The following RAP1GDS1 variants were observed in gnomAD, a reference collection of about 807,000 sequenced individuals.
The protein encoded by RAP1GDS1 is Rap1 GTPase-GDP dissociation stimulator 1.
RAP1GDS1 carries 35 observed loss-of-function variants against 71.1 expected under a neutral mutation model. The ratio of observed to expected loss-of-function variants is 0.49; its 90% CI spans 0.38 to 0.65. The LOEUF (loss-of-function observed/expected upper bound fraction) is 0.65. Ranked by LOEUF, RAP1GDS1 falls within the 30% of genes least tolerant of loss-of-function variation. RAP1GDS1 has a pLI of 0.00. For synonymous variants in RAP1GDS1, 229 were observed against 243.1 expected, an observed-to-expected ratio of 0.94 and a Z score of 0.54; for missense variants, 663 against 706.1, an observed-to-expected ratio of 0.94 and a Z score of 0.69.
At chr4:98,414,320 G>A (rs1747575270) in intron 7 of RAP1GDS1, among the ~76,000 whole-genome samples, 1 of 139,718 alleles carries the variant, frequency 7.2e-6, no homozygotes, top group Non-Finnish European at 1.5e-5. Context: ...TAATGCCTAG[G>A]TTTTCTTCTA....
rs374207930 is a variant in RAP1GDS1 at position 98,323,549 on chromosome 4, T to C, written c.113-19590T>C. On this transcript the variant is annotated intron_variant, in intron 2 of 14. Coordinates refer to ENST00000408927, the MANE Select transcript of RAP1GDS1 (RefSeq NM_001100427.2). ...TAAAATACTGGCAAACCGAATCCAG[T>C]AGCACATCAAAAAGCTTATCCACCA... Among the ~76,000 whole-genome samples, 4 of 142,980 alleles carry C rather than the reference T, an allele frequency of 2.8e-5. 1 individual carries two copies. Among genetic ancestry groups the C allele is most frequent in the African/African-American group, 8.1e-5 (3 of 37,238 alleles). 93.8% of individuals were successfully genotyped at this position (142,980 alleles called of 152,430 possible). A position where few individuals can be genotyped will look rare whatever the true frequency, so the allele number is the denominator to read the frequency against.
intron 2 of RAP1GDS1, among the ~76,000 whole-genome samples, chr4:98,298,890 G>T (rs1728169611): frequency 6.6e-6 from 1 of 152,164 alleles, no homozygotes; most frequent in Admixed American, 6.5e-5. Context: ...CATGATTCAT[G>T]GGAGAAGGTC....
chr4:98,414,509 A>G (rs1747607796), intron 7 of RAP1GDS1, among the ~76,000 whole-genome samples: 6 of 150,428 alleles, frequency 4.0e-5, no homozygotes, highest in Admixed American at 4.0e-4. Context: ...CAGGTTTGTC[A>G]AAGATCAGAT....
chr4:98,311,771 G>C (rs1730258269), intron 2 of RAP1GDS1, among the ~76,000 whole-genome samples: 1 of 152,176 alleles, frequency 6.6e-6, no homozygotes, highest in Admixed American at 6.6e-5. Flanking sequence ...TGAATAGCTA[G>C]GATTGCAGGC....
intron 3 of RAP1GDS1, among the ~76,000 whole-genome samples, chr4:98,346,553 T>G (rs1168084071): frequency 6.6e-6 from 1 of 151,948 alleles, no homozygotes; most frequent in Non-Finnish European, 1.5e-5. Flanking sequence ...TAAGAATGAT[T>G]ATTTATTTTT....
chr4:98,306,461 C>G (rs1729340175), intron 2 of RAP1GDS1, among the ~76,000 whole-genome samples: 1 of 152,162 alleles, frequency 6.6e-6, no homozygotes, highest in African/African-American at 2.4e-5. Flanking sequence ...AAAGTCCTCA[C>G]CTCATACTAC....
At chr4:98,282,775 C>G (rs1455193454) in intron 1 of RAP1GDS1, among the ~76,000 whole-genome samples, 1 of 152,124 alleles carries the variant, frequency 6.6e-6, no homozygotes, top group South Asian at 2.1e-4. Flanking sequence ...ACATTTCCCT[C>G]TACACACTGC....
chr4:98,264,507 A>C (rs1013838439), intron 1 of RAP1GDS1, among the ~76,000 whole-genome samples: 13 of 152,190 alleles, frequency 8.5e-5, no homozygotes, highest in African/African-American at 2.9e-4. Flanking sequence ...TATATGTCAT[A>C]TTTCAGATTC....
chr4:98,347,365 G>A (rs891203537), intron 3 of RAP1GDS1, among the ~76,000 whole-genome samples: 7 of 152,018 alleles, frequency 4.6e-5, no homozygotes, highest in African/African-American at 1.7e-4. Context: ...AAAAATAATC[G>A]ACAATTATTT....
chr4:98,266,197 T>A (rs1036934063), intron 1 of RAP1GDS1, among the ~76,000 whole-genome samples: 12 of 152,168 alleles, frequency 7.9e-5, no homozygotes, highest in African/African-American at 2.9e-4. Flanking sequence ...ATTTTTAATT[T>A]CACCATAGTG....
rs73832194 is a variant in RAP1GDS1, at chr4:98,272,864, C to G, written c.4+11295C>G. On this transcript the variant is annotated intron_variant, in intron 1 of 14. Coordinates refer to ENST00000408927, the MANE Select transcript of RAP1GDS1 (RefSeq NM_001100427.2). ...ATCGAGAAATGGTTCATTGTTGTTG[C>G]GTAGGATGAGAGAAGACAACGCTTT... is the stretch of plus-strand genomic sequence containing the variant. Among the ~76,000 whole-genome samples, 577 of 152,168 alleles carry G rather than the reference C, an allele frequency of 3.8e-3. 6 individuals are homozygous for G. The highest frequency in any genetic ancestry group is 0.013 in the African/African-American group (551 of 41,526).
intron 6 of RAP1GDS1, among the ~76,000 whole-genome samples, chr4:98,398,007 G>T (rs1437736597): frequency 6.6e-6 from 1 of 152,016 alleles, no homozygotes; most frequent in South Asian, 2.1e-4. Context: ...AAGACTACTC[G>T]TACTCATAGC....
chr4:98,393,778 A>G (rs973372157), intron 6 of RAP1GDS1, among the ~76,000 whole-genome samples: 2 of 152,214 alleles, frequency 1.3e-5, no homozygotes, highest in Non-Finnish European at 2.9e-5. Context: ...CAAACACTAT[A>G]TATGAAAAAT....
At chr4:98,425,518 G>A (rs1471267315) in intron 12 of RAP1GDS1, among the ~76,000 whole-genome samples, 1 of 152,126 alleles carries the variant, frequency 6.6e-6, no homozygotes, top group African/African-American at 2.4e-5. Context: ...CTCACTTAAG[G>A]TAGAGGGGTG....
At chr4:98,326,544 G>C (rs1167408261) in intron 2 of RAP1GDS1, among the ~76,000 whole-genome samples, 1 of 152,096 alleles carries the variant, frequency 6.6e-6, no homozygotes, top group Non-Finnish European at 1.5e-5. Context: ...ATTTGGATTT[G>C]CTTTCTTTTT....
chr4:98,402,370 C>A (rs1026223757), intron 6 of RAP1GDS1, among the ~76,000 whole-genome samples: 3 of 152,190 alleles, frequency 2.0e-5, no homozygotes, highest in Non-Finnish European at 4.4e-5. Context: ...CCATGCCCGG[C>A]CTCATCTCTA....
At chr4:98,426,519 A>G (rs1166325331) in intron 12 of RAP1GDS1, among the ~76,000 whole-genome samples, 2 of 152,140 alleles carry the variant, frequency 1.3e-5, no homozygotes, top group East Asian at 3.8e-4. Context: ...TCACTTAGAA[A>G]AGAAATGGGA....
rs535064983 is a variant in RAP1GDS1 at position 98,442,912 on chromosome 4, T to G, written c.*795T>G. On this transcript the variant is annotated 3_prime_UTR_variant, in exon 15 of 15. Transcript: ENST00000408927. The stretch of plus-strand genomic sequence containing the variant: ...ATACGCTGTTTCACTCAGGAACTAC[T>G]TCTACCAGTTAATCAGCATTATCCA... 4.3e-6 allele frequency: 1 copy of G among 231,826 alleles called. No individual in the cohort carries two copies. The highest frequency in any genetic ancestry group is 2.2e-5 in the African/African-American group (1 of 45,228). 14.4% of individuals were successfully genotyped at this position (231,826 alleles called of 1,614,324 possible). A position where few individuals can be genotyped will look rare whatever the true frequency, so the allele number is the denominator to read the frequency against.
In RAP1GDS1 at chr4:98,309,334, C is replaced by T. The variant is rs757060710; in HGVS notation, c.112+15819C>T. ...AATTCACACAAATCTGTAATTTATC[C>T]ATTATGTTAAATTGGAAGAGATATT... On this transcript the variant is annotated intron_variant, in intron 2 of 14. Transcript: ENST00000408927. Among the ~76,000 whole-genome samples the T allele has an allele frequency of 1.3e-3, 203 of 151,938 alleles. 1 individual carries two copies. Among genetic ancestry groups the T allele is most frequent in the Non-Finnish European group, 1.7e-3 (116 of 67,840 alleles).
Sources: gnomAD v4.1 joint callset for allele counts (sites outside exome capture counted in the v4.1 genomes callset) on GRCh38, gnomAD v4.1.1 for gene constraint, MANE v1.5 for transcripts, NCBI Gene and HGNC (gene_info 2026-07-23, HGNC 2026-07-21) for gene names.